Variants in ATP6V1H observed in about 807,000 individuals in gnomAD.
The protein encoded by ATP6V1H is V-type proton ATPase subunit H.
In ATP6V1H, 39 loss-of-function variants were observed where a neutral mutation model predicts 71.7. The observed-to-expected ratio is 0.54, with a 90% CI of 0.42 to 0.71. ATP6V1H has a LOEUF of 0.71. Ranked by LOEUF, ATP6V1H falls within the 30% of genes least tolerant of loss-of-function variation. The pLI is 0.00. For missense variants in ATP6V1H, 509 were observed against 594.9 expected (o/e 0.86, Z 1.50); for synonymous variants, 192 against 199.3 (o/e 0.96, Z 0.31).
chr8:53,748,613 C>T (rs1334595415), intron 12 of ATP6V1H, among the ~76,000 whole-genome samples: 1 of 151,962 alleles, frequency 6.6e-6, no homozygotes, highest in Non-Finnish European at 1.5e-5. Flanking sequence ...TGGAAAATAC[C>T]CATGATAAAT....
intron 11 of ATP6V1H, among the ~76,000 whole-genome samples, chr8:53,759,034 C>T (rs1035486668): frequency 1.3e-5 from 2 of 152,246 alleles, no homozygotes; most frequent in African/African-American, 4.8e-5. Flanking sequence ...ACACCAGCAG[C>T]ATGGGCATCA....
chr8:53,768,079 C>T (rs1224178306), intron 11 of ATP6V1H, among the ~76,000 whole-genome samples: 1 of 152,128 alleles, frequency 6.6e-6, no homozygotes, highest in African/African-American at 2.4e-5. Context: ...AGAACCCCTA[C>T]AACTAAGTAA....
intron 5 of ATP6V1H, among the ~76,000 whole-genome samples, chr8:53,815,981 T>C (rs1179641134): frequency 6.6e-6 from 1 of 152,244 alleles, no homozygotes; most frequent in East Asian, 1.9e-4. Flanking sequence ...ATTTGTTTAA[T>C]ATATTTGTCA....
intron 2 of ATP6V1H, among the ~76,000 whole-genome samples, chr8:53,837,775 G>C (rs1406908314): frequency 6.6e-6 from 1 of 152,226 alleles, no homozygotes; most frequent in Non-Finnish European, 1.5e-5. Flanking sequence ...AGCAGAGACA[G>C]ACAGCAGGCA....
intron 13 of ATP6V1H, among the ~76,000 whole-genome samples, chr8:53,719,337 A>G (rs904952576): frequency 6.6e-6 from 1 of 151,762 alleles, no homozygotes; most frequent in Non-Finnish European, 1.5e-5. Flanking sequence ...CGCTCGGCTA[A>G]TTTTTGTATT....
Position 53,796,880 on chromosome 8 carries a change from T to C in ATP6V1H, c.678-1041A>G, listed in dbSNP as rs146001910. Among the ~76,000 whole-genome samples the C allele has an allele frequency of 2.3e-3, 350 of 152,348 alleles. 3 individuals carry two copies. The highest frequency in any genetic ancestry group is 8.1e-3 in the African/African-American group (338 of 41,580). Reference sequence around the variant, plus strand: ...CTAAGCCTGATTTTACAATCTAAACTTACTGTAACTTACTGAAAGGCTTTT... The same window carrying C: ...CTAAGCCTGATTTTACAATCTAAACCTACTGTAACTTACTGAAAGGCTTTT... On this transcript the variant is annotated intron_variant, in intron 8 of 13. Coordinates refer to ENST00000359530, the MANE Select transcript of ATP6V1H (RefSeq NM_015941.4).
At chr8:53,737,021 C>T (rs1807235574) in intron 13 of ATP6V1H, among the ~76,000 whole-genome samples, 1 of 152,188 alleles carries the variant, frequency 6.6e-6, no homozygotes, top group African/African-American at 2.4e-5. Context: ...GCATGCAGCC[C>T]CAGCCACATA....
At chr8:53,720,776 T>TAATAAAAAAA (rs1806584658) in intron 13 of ATP6V1H, among the ~76,000 whole-genome samples, 1 of 152,180 alleles carries the variant, frequency 6.6e-6, no homozygotes, top group African/African-American at 2.4e-5. Flanking sequence ...AACTACTAAG[T>TAATAAAAAAA]CTCTTTTATT....
chr8:53,722,147 G>A (rs986646724), intron 13 of ATP6V1H, among the ~76,000 whole-genome samples: 7 of 152,142 alleles, frequency 4.6e-5, no homozygotes, highest in Non-Finnish European at 1.0e-4. Context: ...CAAAGTGTGC[G>A]TTTCTTTATC....
In ATP6V1H at chr8:53,721,974, C is replaced by T. The variant is rs895006294; in HGVS notation, c.1392-5950G>A. 4.6e-5 allele frequency among the ~76,000 whole-genome samples: 7 copies of T among 152,138 alleles called. No homozygotes were observed. The East Asian group carries it at 5.8e-4, about 13-fold the overall frequency. On this transcript the variant is annotated intron_variant, in intron 13 of 13. Transcript: ENST00000359530. ...GAGTCTATTTATAGGAGTTGTAGTC[C>T]TAAGAAACAAAAATGTACATTTTAA...
chr8:53,786,493 G>A (rs1195915532), intron 9 of ATP6V1H, among the ~76,000 whole-genome samples: 1 of 151,414 alleles, frequency 6.6e-6, no homozygotes, highest in African/African-American at 2.5e-5. Context: ...TCCCGGGTGA[G>A]GCGATGCCTC....
At position 53,715,863 on chromosome 8, in the gene ATP6V1H, G is replaced by C; in HGVS notation, c.*101C>G. Reference sequence around the variant, plus strand: ...CATTGGGAAAAGCTATATAACAGAGGAAATTCCAAGTAAAATCAAACAGTG... The same window carrying C: ...CATTGGGAAAAGCTATATAACAGAGCAAATTCCAAGTAAAATCAAACAGTG... On this transcript the variant is annotated 3_prime_UTR_variant, in exon 14 of 14. Coordinates refer to ENST00000359530, the MANE Select transcript of ATP6V1H (RefSeq NM_015941.4). 1.0e-6 allele frequency: 1 copy of C among 995,380 alleles called. No homozygotes were observed. The highest frequency in any genetic ancestry group is 1.5e-6 in the Non-Finnish European group (1 of 680,136). The allele number at this position is 995,380 out of a possible 1,614,324, so 61.7% of individuals were successfully genotyped here.
At chr8:53,790,473 C>G (rs1346243073) in intron 9 of ATP6V1H, among the ~76,000 whole-genome samples, 1 of 152,114 alleles carries the variant, frequency 6.6e-6, no homozygotes, top group Non-Finnish European at 1.5e-5. Context: ...CCATTAGGCA[C>G]CAAAGGTTCA....
chr8:53,735,587 T>C (rs909861427), intron 13 of ATP6V1H, among the ~76,000 whole-genome samples: 2 of 152,122 alleles, frequency 1.3e-5, no homozygotes, highest in African/African-American at 4.8e-5. Flanking sequence ...TAAGATTTTG[T>C]TCAGTCGGCC....
At chr8:53,817,786 C>A (rs1355225046) in intron 4 of ATP6V1H, among the ~76,000 whole-genome samples, 1 of 152,048 alleles carries the variant, frequency 6.6e-6, no homozygotes. Flanking sequence ...TTACACTTCT[C>A]GGCCTGCACC....
At chr8:53,721,745 T>G (rs1323375698) in intron 13 of ATP6V1H, among the ~76,000 whole-genome samples, 1 of 152,220 alleles carries the variant, frequency 6.6e-6, no homozygotes, top group Admixed American at 6.5e-5. Flanking sequence ...GACATATTAT[T>G]GTACAGCTGG....
intron 6 of ATP6V1H, 51 bp from the exon 7 acceptor site, chr8:53,811,268 A>T (rs779471961): frequency 4.6e-6 from 7 of 1,522,552 alleles, no homozygotes; most frequent in African/African-American, 1.4e-5. Flanking sequence ...ATTTTATCCT[A>T]ATGTATCAGC....
intron 10 of ATP6V1H, among the ~76,000 whole-genome samples, chr8:53,771,394 A>G (rs2130317961): frequency 6.6e-6 from 1 of 152,344 alleles, no homozygotes; most frequent in Non-Finnish European, 1.5e-5. Flanking sequence ...AACAAGATCC[A>G]AAAGAATATG....
At chr8:53,811,904 C>T (rs1027233504) in intron 6 of ATP6V1H, among the ~76,000 whole-genome samples, 12 of 152,062 alleles carry the variant, frequency 7.9e-5, no homozygotes, top group African/African-American at 2.7e-4. Context: ...GGTCAAAGAA[C>T]AAAACATCTA....
Sources: allele counts gnomAD v4.1 joint callset (sites outside exome capture counted in the v4.1 genomes callset), GRCh38; gene constraint gnomAD v4.1.1; transcripts MANE v1.5; gene names NCBI Gene and HGNC (gene_info 2026-07-23, HGNC 2026-07-21).